DGKB: variants seen among roughly 807,000 people sequenced by gnomAD.
DGKB encodes diacylglycerol kinase beta, also known as 90 kDa diacylglycerol kinase.
Under a neutral mutation model 114.3 loss-of-function variants are expected in DGKB, and 67 were observed. That is an observed-to-expected ratio of 0.59 (90% CI 0.48 to 0.72). The LOEUF (loss-of-function observed/expected upper bound fraction) is 0.72. Ranked by LOEUF, DGKB falls within the 30% of genes least tolerant of loss-of-function variation. The probability of loss-of-function intolerance (pLI) is 0.00; values close to 1 mark genes in which losing one functional copy is unlikely to be tolerated. For synonymous variants in DGKB, 398 were observed against 323.1 expected, an observed-to-expected ratio of 1.23 and a Z score of -2.49; for missense variants, 907 against 975.2, an observed-to-expected ratio of 0.93 and a Z score of 0.93.
chr7:14,568,356 T>C (rs1797902236), intron 20 of DGKB, among the ~76,000 whole-genome samples: 1 of 152,204 alleles, frequency 6.6e-6, no homozygotes, highest in Non-Finnish European at 1.5e-5. Flanking sequence ...TGTCTAGTTA[T>C]TGATCAATTT....
chr7:14,201,142 G>GT (rs1785805234), intron 23 of DGKB, among the ~76,000 whole-genome samples: 1 of 151,998 alleles, frequency 6.6e-6, no homozygotes, highest in Non-Finnish European at 1.5e-5. Context: ...GCAGCGTCTG[G>GT]TGAGGGCCTG....
intron 21 of DGKB, among the ~76,000 whole-genome samples, chr7:14,417,919 AG>A (rs912884616): frequency 6.9e-4 from 105 of 151,612 alleles, no homozygotes; most frequent in African/African-American, 2.4e-3. Flanking sequence ...GAAACCTTCT[AG>A]AATTCATTAT....
At chr7:14,495,610 A>G (rs1461806678) in intron 20 of DGKB, among the ~76,000 whole-genome samples, 1 of 151,774 alleles carries the variant, frequency 6.6e-6, no homozygotes, top group Non-Finnish European at 1.5e-5. Flanking sequence ...ACTATCTGGT[A>G]TGAGTTTTAT....
chr7:14,602,284 G>A (rs1019806805), intron 17 of DGKB, among the ~76,000 whole-genome samples: 1 of 152,054 alleles, frequency 6.6e-6, no homozygotes, highest in South Asian at 2.1e-4. Context: ...TGAGACTCTG[G>A]GTTTTAGATT....
At chr7:14,326,330 C>T (rs935594032) in intron 23 of DGKB, among the ~76,000 whole-genome samples, 1 of 151,726 alleles carries the variant, frequency 6.6e-6, no homozygotes, top group African/African-American at 2.4e-5. Flanking sequence ...TCATTTTTAT[C>T]ATGCACCTTT....
chr7:14,288,721 C>T (rs968558735), intron 23 of DGKB, among the ~76,000 whole-genome samples: 2 of 152,222 alleles, frequency 1.3e-5, no homozygotes, highest in African/African-American at 2.4e-5. Flanking sequence ...ACTCCATGGG[C>T]AATTCCCTCA....
At chr7:14,593,857 T>A (rs6960433) in intron 17 of DGKB, among the ~76,000 whole-genome samples, 83,881 of 150,650 alleles carry the variant, frequency 0.56, 24,175 homozygotes, top group African/African-American at 0.7. Flanking sequence ...ATTTGCAGCA[T>A]CCAATCAGAA....
intron 22 of DGKB, among the ~76,000 whole-genome samples, chr7:14,343,157 C>CCACA (rs3067654): frequency 0.22 from 29,662 of 132,672 alleles, 3,410 homozygotes; most frequent in East Asian, 0.33. Context: ...GCCTAGCTAT[C>CCACA]CACACACACA....
chr7:14,605,799 A>T (rs754752112), intron 17 of DGKB, among the ~76,000 whole-genome samples: 3 of 152,170 alleles, frequency 2.0e-5, no homozygotes, highest in Non-Finnish European at 4.4e-5. Flanking sequence ...ATATTTGTAC[A>T]AATAATACGG....
Position 14,753,942 on chromosome 7 carries a change from C to A in DGKB, c.154G>T (p.Asp52Tyr). The change falls in exon 4 of 26, where the codon GAC becomes TAC. Residue 52 changes from aspartate (D) to tyrosine (Y), a missense_variant. By Grantham distance (160) the Asp-to-Tyr change is radical. Around this residue, in one of 3 missense-constraint regions of DGKB, gnomAD observed 814 missense variants for 856.6 expected, o/e 0.95. Transcript: ENST00000402815. ...LAKYNPEGKQDILNQTIDFEG... is the reference protein window; with the variant it reads ...LAKYNPEGKQYILNQTIDFEG... ...AAATGTCTTACTTGGTTAAGAATGTCTTGTTTCTGTGCATGCAAGGAAAGA... is the reference window on the plus strand; with the variant it reads ...AAATGTCTTACTTGGTTAAGAATGTATTGTTTCTGTGCATGCAAGGAAAGA... 1 of 1,518,542 alleles carries A rather than the reference C, an allele frequency of 6.6e-7. No individual in the cohort carries two copies. 94.1% of individuals were successfully genotyped at this position (1,518,542 alleles called of 1,614,324 possible). A position where few individuals can be genotyped will look rare whatever the true frequency, so the allele number is the denominator to read the frequency against.
At chr7:14,629,762 T>A (rs1288346506) in intron 14 of DGKB, among the ~76,000 whole-genome samples, 6 of 152,250 alleles carry the variant, frequency 3.9e-5, no homozygotes, top group Non-Finnish European at 8.8e-5. Flanking sequence ...TACAATGGCA[T>A]GGGCTAGGTG....
chr7:14,661,169 A>C (rs2128923772), intron 13 of DGKB, among the ~76,000 whole-genome samples: 1 of 152,058 alleles, frequency 6.6e-6, no homozygotes, highest in East Asian at 1.9e-4. Flanking sequence ...CTAAAACACC[A>C]AAAGCAATGG....
chr7:14,552,023 G>T (rs1196564444), intron 20 of DGKB, among the ~76,000 whole-genome samples: 2 of 151,864 alleles, frequency 1.3e-5, no homozygotes, highest in Non-Finnish European at 2.9e-5. Context: ...AAAATCTTTT[G>T]TATCTCTTTT....
chr7:14,766,640 GC>G (rs1334460874), intron 2 of DGKB, among the ~76,000 whole-genome samples: 1 of 151,828 alleles, frequency 6.6e-6, no homozygotes, highest in Non-Finnish European at 1.5e-5. Flanking sequence ...AGAAGCCTGG[GC>G]TGAAGAACGA....
intron 20 of DGKB, among the ~76,000 whole-genome samples, chr7:14,572,517 C>T (rs77261016): frequency 0.025 from 3,788 of 150,562 alleles, 170 homozygotes; most frequent in African/African-American, 0.086. Context: ...AAATAGAAAA[C>T]GTTAATTAAA....
At chr7:14,213,494 T>C (rs1267184614) in intron 23 of DGKB, among the ~76,000 whole-genome samples, 1 of 152,186 alleles carries the variant, frequency 6.6e-6, no homozygotes, top group Non-Finnish European at 1.5e-5. Context: ...TAAAAAGATG[T>C]AGAGTGAACA....
chr7:14,557,207 C>T (rs1274924960), intron 20 of DGKB, among the ~76,000 whole-genome samples: 1 of 152,164 alleles, frequency 6.6e-6, no homozygotes, highest in African/African-American at 2.4e-5. Context: ...GATGTGCTAC[C>T]GCTTGCTCTT....
chr7:14,736,788 T>G (rs762203413), intron 4 of DGKB, among the ~76,000 whole-genome samples: 1 of 152,238 alleles, frequency 6.6e-6, no homozygotes, highest in Non-Finnish European at 1.5e-5. Context: ...CTGATACTCA[T>G]TGCAGAACTA....
At chr7:14,609,861 T>G (rs55681155) in intron 16 of DGKB, among the ~76,000 whole-genome samples, 2 of 151,776 alleles carry the variant, frequency 1.3e-5, no homozygotes, top group Admixed American at 6.6e-5. Flanking sequence ...TATTAAAAAG[T>G]CAAAAACCAG....
Sources: gnomAD v4.1 joint callset for allele counts (sites outside exome capture counted in the v4.1 genomes callset) on GRCh38, gnomAD v4.1.1 for gene constraint, gnomAD v4.1.1 regional missense constraint, MANE v1.5 for transcripts, NCBI Gene and HGNC (gene_info 2026-07-23, HGNC 2026-07-21) for gene names.